Variants in DROSHA observed in about 807,000 individuals in gnomAD.
The protein encoded by DROSHA is drosha ribonuclease III.
DROSHA carries 56 observed loss-of-function variants against 181.9 expected under a neutral mutation model. The ratio of observed to expected loss-of-function variants is 0.31; its 90% confidence interval spans 0.25 to 0.38. DROSHA has a LOEUF of 0.38. Among genes scored for constraint, DROSHA ranks in the 10% least tolerant of loss-of-function variants. DROSHA has a pLI of 1.00. For missense variants in DROSHA, 1,218 were observed against 1,743.5 expected (o/e 0.70, Z 5.37); for synonymous variants, 524 against 591.2 (o/e 0.89, Z 1.65).
intron 23 of DROSHA, among the ~76,000 whole-genome samples, chr5:31,446,446 CAAAAAAA>C (rs60001713): frequency 5.1e-5 from 3 of 59,344 alleles, no homozygotes; most frequent in Admixed American, 2.3e-4. Flanking sequence ...GACTCTGTCT[CAAAAAAA>C]AAAAAAAAAA....
intron 6 of DROSHA, among the ~76,000 whole-genome samples, chr5:31,516,063 C>G (rs1316193240): frequency 6.6e-6 from 1 of 152,110 alleles, no homozygotes; most frequent in Non-Finnish European, 1.5e-5. Flanking sequence ...CCAGACCAGC[C>G]TGGGTAACAT....
At chr5:31,493,163 G>A in intron 13 of DROSHA, 44 bp downstream of exon 13, 1 of 1,548,604 alleles carries the variant, frequency 6.5e-7, no homozygotes, top group South Asian at 1.2e-5. Context: ...AGGGATGAAG[G>A]AGGTACAAGG....
chr5:31,431,366 C>CAAAAAAAAA (rs58316191), intron 26 of DROSHA, among the ~76,000 whole-genome samples: 5 of 57,664 alleles, frequency 8.7e-5, no homozygotes, highest in Non-Finnish European at 9.5e-5. Context: ...CAGTAGAATG[C>CAAAAAAAAA]AAAAAAAAAA....
chr5:31,478,386 G>GC (rs998554290), intron 16 of DROSHA, among the ~76,000 whole-genome samples: 1 of 152,232 alleles, frequency 6.6e-6, no homozygotes, highest in Non-Finnish European at 1.5e-5. Flanking sequence ...GCCGTCCTGG[G>GC]CCATATGTGG....
chr5:31,476,505 T>C (rs886994567), intron 16 of DROSHA, among the ~76,000 whole-genome samples: 1 of 152,128 alleles, frequency 6.6e-6, no homozygotes, highest in Non-Finnish European at 1.5e-5. Flanking sequence ...AATATACATA[T>C]ACACACATCA....
chr5:31,444,901 C>T (rs1746066247), intron 23 of DROSHA, among the ~76,000 whole-genome samples: 1 of 152,160 alleles, frequency 6.6e-6, no homozygotes. Flanking sequence ...GGTTTGGTTT[C>T]TGATAACCTC....
intron 35 of DROSHA, among the ~76,000 whole-genome samples, chr5:31,404,659 T>G (rs6450840): frequency 0.068 from 10,337 of 152,250 alleles, 407 homozygotes; most frequent in East Asian, 0.17. Context: ...TCCCTTGCAC[T>G]TAAGCCTTCA....
intron 23 of DROSHA, among the ~76,000 whole-genome samples, chr5:31,442,236 T>C (rs1253449310): frequency 6.6e-6 from 1 of 152,238 alleles, no homozygotes; most frequent in Non-Finnish European, 1.5e-5. Context: ...TGTTTTTCTG[T>C]ATCTACATTA....
intron 17 of DROSHA, among the ~76,000 whole-genome samples, chr5:31,469,784 TTTA>T (rs1749529195): frequency 6.6e-6 from 1 of 152,200 alleles, no homozygotes; most frequent in African/African-American, 2.4e-5. Flanking sequence ...CCCTATAACA[TTTA>T]TTATGCCATC....
chr5:31,421,240 T>C (rs772398393), intron 30 of DROSHA, 32 bp downstream of exon 30: 1 of 1,534,392 alleles, frequency 6.5e-7, no homozygotes, highest in African/African-American at 1.4e-5. Context: ...TTTACAGCAA[T>C]CTTATTGGAG....
At chr5:31,418,099 C>T (rs558547015) in intron 30 of DROSHA, among the ~76,000 whole-genome samples, 5 of 152,304 alleles carry the variant, frequency 3.3e-5, no homozygotes, top group East Asian at 3.9e-4. Flanking sequence ...CGGGAAGATG[C>T]TGCATTGCCT....
chr5:31,484,343 C>T lies in DROSHA; in HGVS notation c.1996+538G>A, dbSNP rs571459059. 5.8e-3 allele frequency among the ~76,000 whole-genome samples: 690 copies of T among 118,820 alleles called. 11 individuals are homozygous for T. The highest frequency in any genetic ancestry group is 0.029 in the Middle Eastern group (6 of 206). 78.0% of individuals were successfully genotyped at this position (118,820 alleles called of 152,430 possible). ...GAGCCGAGATTGCGCCACTGCAGTCCGCAGTCCGGCCTGGGCGACAGAGCG... is the reference window on the plus strand; with the variant it reads ...GAGCCGAGATTGCGCCACTGCAGTCTGCAGTCCGGCCTGGGCGACAGAGCG... On this transcript the variant is annotated intron_variant, in intron 15 of 35. Transcript: ENST00000344624.
intron 16 of DROSHA, among the ~76,000 whole-genome samples, chr5:31,479,340 A>T (rs1750755713): frequency 6.6e-6 from 1 of 152,208 alleles, no homozygotes; most frequent in Non-Finnish European, 1.5e-5. Flanking sequence ...GAGTCAACTC[A>T]ATCAAAAGCA....
intron 23 of DROSHA, among the ~76,000 whole-genome samples, chr5:31,445,997 ATAT>A (rs1328635068): frequency 6.6e-6 from 1 of 152,228 alleles, no homozygotes; most frequent in Non-Finnish European, 1.5e-5. Flanking sequence ...TTTGTAGATG[ATAT>A]TATTTCAAAA....
rs971055743 is a variant in DROSHA, at chr5:31,411,292, A to T, written c.3526-405T>A. ...GTGTAACTTACATTCAATAAAATGCACCCATTTTCAGTGCACAGTTAGATG... is the reference window on the plus strand; with the variant it reads ...GTGTAACTTACATTCAATAAAATGCTCCCATTTTCAGTGCACAGTTAGATG... On this transcript the variant is annotated intron_variant, in intron 30 of 35. Coordinates refer to ENST00000344624, the MANE Select transcript of DROSHA (RefSeq NM_001382508.1). This position sits in a 1 kb window ranked among gnomAD's most constrained non-coding sequence, Gnocchi z 4.2. Among the ~76,000 whole-genome samples, 31 of 152,228 alleles carry T rather than the reference A, an allele frequency of 2.0e-4. No homozygotes were observed. The highest frequency in any genetic ancestry group is 7.2e-4 in the African/African-American group (30 of 41,448).
intron 17 of DROSHA, among the ~76,000 whole-genome samples, chr5:31,469,885 G>C (rs1203353172): frequency 6.6e-6 from 1 of 152,162 alleles, no homozygotes; most frequent in Non-Finnish European, 1.5e-5. Context: ...CAGCAATATA[G>C]TATTTAAAGT....
In DROSHA at chr5:31,409,049, T is replaced by C. The variant is rs372856536; in HGVS notation, c.3854+7A>G. ...CAACCAATGGCCTGCAGGCAACAAG[T>C]ACTTACTTGTACAGAGGAATGTCTG... On this transcript the variant is annotated splice_region_variant and intron_variant, in intron 33 of 35. Coordinates refer to ENST00000344624, the MANE Select transcript of DROSHA (RefSeq NM_001382508.1). The surrounding 1 kb of genome is among the most constrained non-coding windows in gnomAD (Gnocchi z 4.0). 1.7e-5 allele frequency: 27 copies of C among 1,612,468 alleles called. No homozygotes were observed. Among genetic ancestry groups the C allele is most frequent in the Non-Finnish European group, 2.2e-5 (26 of 1,179,388 alleles).
At chr5:31,417,649 G>A (rs1580008034) in intron 30 of DROSHA, among the ~76,000 whole-genome samples, 2 of 152,194 alleles carry the variant, frequency 1.3e-5, no homozygotes, top group East Asian at 3.9e-4. Flanking sequence ...TCAAAGCCAT[G>A]AGACAGAATG....
chr5:31,515,619 T>A, intron 6 of DROSHA, 55 bp from the exon 7 acceptor site: 1 of 1,546,388 alleles, frequency 6.5e-7, no homozygotes, highest in Non-Finnish European at 8.7e-7. Context: ...ATGGACAATT[T>A]CAGCAATGAG....
Sources: gnomAD v4.1 joint callset for allele counts (sites outside exome capture counted in the v4.1 genomes callset) on GRCh38, gnomAD v4.1.1 for gene constraint, Gnocchi (gnomAD v3.1) non-coding constraint, MANE v1.5 for transcripts, NCBI Gene and HGNC (gene_info 2026-07-23, HGNC 2026-07-21) for gene names.